PPP2R1B: variants seen among roughly 807,000 people sequenced by gnomAD.
PPP2R1B encodes serine/threonine-protein phosphatase 2A 65 kDa regulatory subunit A beta isoform.
In PPP2R1B, 58 loss-of-function variants were observed where a neutral mutation model predicts 72.7. That is an observed-to-expected ratio of 0.80 (90% confidence interval 0.65 to 0.99). PPP2R1B has a LOEUF of 0.99. PPP2R1B is among the 50% of genes least tolerant of loss of function. PPP2R1B has a pLI of 0.00. For missense variants in PPP2R1B, 695 were observed against 733.6 expected (o/e 0.95, Z 0.61); for synonymous variants, 256 against 264.6 (o/e 0.97, Z 0.32).
At chr11:111,744,196 GT>G (rs1444987676) in intron 11 of PPP2R1B, among the ~76,000 whole-genome samples, 1 of 152,200 alleles carries the variant, frequency 6.6e-6, no homozygotes, top group African/African-American at 2.4e-5. Flanking sequence ...ACAGTGATGG[GT>G]TTTTAAAGCA....
rs1336498682 is a variant in PPP2R1B, at chr11:111,740,990, A to G, written c.*606T>C. ...CTTCAGGTTTCTGAATGACATGAGT[A>G]CAGACAAAATTGAGCAAATAAAAAC... On this transcript the variant is annotated 3_prime_UTR_variant, in exon 15 of 15. Transcript: ENST00000527614. 4 of 985,684 alleles carry G rather than the reference A, an allele frequency of 4.1e-6. No individual in the cohort carries two copies. The African/African-American group carries it at 5.2e-5, about 13-fold the overall frequency. The allele number at this position is 985,684 out of a possible 1,614,324, so 61.1% of individuals were successfully genotyped here.
At chr11:111,755,171 G>A in intron 6 of PPP2R1B, 77 bp from the exon 7 acceptor site, 2 of 1,533,062 alleles carry the variant, frequency 1.3e-6, no homozygotes, top group South Asian at 1.2e-5. Context: ...TGTGCAATCT[G>A]TAAATACATA....
intron 10 of PPP2R1B, among the ~76,000 whole-genome samples, chr11:111,748,918 C>T (rs549630674): frequency 6.6e-6 from 1 of 152,106 alleles, no homozygotes; most frequent in Admixed American, 6.5e-5. Flanking sequence ...ACAATCTCAG[C>T]TCACTGCAAC....
At chr11:111,737,486 A>G, downstream of PPP2R1B, 2 of 1,614,216 alleles carry the variant, frequency 1.2e-6, no homozygotes, top group Non-Finnish European at 1.7e-6. Context: ...GGTCTTGGGA[A>G]GTGGTTCTTG....
At chr11:111,699,714 A>G in the PPP2R1B span, among the ~76,000 whole-genome samples, 4 of 152,198 alleles carry the variant, frequency 2.6e-5, no homozygotes, top group East Asian at 1.9e-4. Context: ...ACATGTATGT[A>G]TGGTCTCAAG....
the PPP2R1B span, among the ~76,000 whole-genome samples, chr11:111,707,130 C>A: frequency 6.6e-6 from 1 of 152,040 alleles, no homozygotes; most frequent in Non-Finnish European, 1.5e-5. Flanking sequence ...ACATGTAAGA[C>A]GTAGTGGAAC....
the PPP2R1B span, among the ~76,000 whole-genome samples, chr11:111,688,533 G>T: frequency 1.1e-4 from 17 of 152,190 alleles, no homozygotes; most frequent in African/African-American, 4.1e-4. The surrounding 1 kb of genome is among the most constrained non-coding windows in gnomAD (Gnocchi z 4.2). Flanking sequence ...ATGACTGATG[G>T]CTACAGCCAG....
intron 5 of PPP2R1B, among the ~76,000 whole-genome samples, 189 bp from the exon 6 acceptor site, chr11:111,755,639 G>C (rs1243769205): frequency 2.7e-5 from 4 of 149,136 alleles, no homozygotes; most frequent in African/African-American, 9.9e-5. Context: ...ACCCAGATTG[G>C]AGTGCAGTGG....
At chr11:111,688,842 A>G in the PPP2R1B span, among the ~76,000 whole-genome samples, 1 of 152,258 alleles carries the variant, frequency 6.6e-6, no homozygotes, top group African/African-American at 2.4e-5. This position sits in a 1 kb window ranked among gnomAD's most constrained non-coding sequence, Gnocchi z 4.2. Flanking sequence ...CAACATATCC[A>G]TATATAAAAA....
chr11:111,741,083 C>A lies in PPP2R1B; in HGVS notation c.*513G>T. 1 of 987,666 alleles carries A rather than the reference C, an allele frequency of 1.0e-6. No individual in the cohort carries two copies. The highest frequency in any genetic ancestry group is 1.2e-6 in the Non-Finnish European group (1 of 831,116). 61.2% of individuals were successfully genotyped at this position (987,666 alleles called of 1,614,324 possible). On this transcript the variant is annotated 3_prime_UTR_variant, in exon 15 of 15. Coordinates refer to ENST00000527614, the MANE Select transcript of PPP2R1B (RefSeq NM_002716.5). ...TTCACATGAGACTAATGCAGACCATCATAATTCAGGAAAATGTGGCTTTCA... is the reference window on the plus strand; with the variant it reads ...TTCACATGAGACTAATGCAGACCATAATAATTCAGGAAAATGTGGCTTTCA...
chr11:111,760,288 A>C (rs1945277525), intron 4 of PPP2R1B, among the ~76,000 whole-genome samples: 1 of 152,034 alleles, frequency 6.6e-6, no homozygotes, highest in Admixed American at 6.6e-5. Context: ...GGCTCAAGTG[A>C]ACTCCCACCT....
intron 5 of PPP2R1B, among the ~76,000 whole-genome samples, chr11:111,757,196 T>C (rs1555049989): frequency 6.6e-6 from 1 of 151,896 alleles, no homozygotes. Flanking sequence ...TATACATATA[T>C]AAGGTAGAAT....
chr11:111,753,766 C>T (rs1198203540), intron 8 of PPP2R1B, among the ~76,000 whole-genome samples, 189 bp from the exon 9 acceptor site: 1 of 151,978 alleles, frequency 6.6e-6, no homozygotes, highest in Non-Finnish European at 1.5e-5. Flanking sequence ...TACAGACATG[C>T]ACCACCAGGC....
chr11:111,723,980 A>G (rs1207245342), downstream of PPP2R1B: 1 of 1,614,000 alleles, frequency 6.2e-7, no homozygotes, highest in East Asian at 2.2e-5. Flanking sequence ...GAGCGACCTA[A>G]CGGGGCCAGA....
the PPP2R1B span, among the ~76,000 whole-genome samples, chr11:111,690,696 G>A: frequency 6.6e-6 from 1 of 150,616 alleles, no homozygotes; most frequent in East Asian, 2.0e-4. Flanking sequence ...CCACTTATGA[G>A]TGAGAACATG....
chr11:111,732,626 G>A (rs1180179442), intron 15 of PPP2R1B, among the ~76,000 whole-genome samples: 1 of 152,232 alleles, frequency 6.6e-6, no homozygotes, highest in African/African-American at 2.4e-5. Context: ...GGTAGGCAGA[G>A]GTTGCAGTGA....
Position 111,747,913 on chromosome 11 carries a change from T to A in PPP2R1B, c.1399+41A>T. The stretch of plus-strand genomic sequence containing the variant: ...TCTAAAAGGAAATGTATGAAAATCA[T>A]GGATATATGGGCTTTCAATAATCTG... On this transcript the variant is annotated intron_variant, in intron 11 of 14. Coordinates refer to ENST00000527614, the MANE Select transcript of PPP2R1B (RefSeq NM_002716.5). 1.9e-6 allele frequency: 3 copies of A among 1,542,068 alleles called. No homozygotes were observed. The South Asian group carries it at 3.5e-5, about 18-fold the overall frequency.
the PPP2R1B span, among the ~76,000 whole-genome samples, chr11:111,699,493 C>T: frequency 6.6e-6 from 1 of 152,132 alleles, no homozygotes; most frequent in African/African-American, 2.4e-5. Context: ...TGGATTATCA[C>T]TACATTTATA....
At chr11:111,750,958 C>A (rs1944885228) in intron 10 of PPP2R1B, among the ~76,000 whole-genome samples, 1 of 152,108 alleles carries the variant, frequency 6.6e-6, no homozygotes, top group South Asian at 2.1e-4. Flanking sequence ...CCTGCCTCAG[C>A]CTCCCGAGTA....
Sources: gnomAD v4.1 joint callset for allele counts (sites outside exome capture counted in the v4.1 genomes callset) on GRCh38, gnomAD v4.1.1 for gene constraint, Gnocchi (gnomAD v3.1) non-coding constraint, MANE v1.5 for transcripts, NCBI Gene and HGNC (gene_info 2026-07-23, HGNC 2026-07-21) for gene names.